Variants in NALF1 observed in about 807,000 individuals in gnomAD.
The protein encoded by NALF1 is family with sequence similarity 155 member A.
Under a neutral mutation model 48.4 loss-of-function variants are expected in NALF1, and 3 were observed. The ratio of observed to expected loss-of-function variants is 0.06; its 90% CI spans 0.03 to 0.16. The LOEUF (loss-of-function observed/expected upper bound fraction) is 0.16, where lower values mean the gene tolerates loss of function less well. Ranked by LOEUF, NALF1 falls within the 10% of genes least tolerant of loss-of-function variation. NALF1 has a pLI of 1.00. For missense variants in NALF1, 526 were observed against 571.5 expected, an observed-to-expected ratio of 0.92 and a Z score of 0.81; for synonymous variants, 262 against 245.7, an observed-to-expected ratio of 1.07 and a Z score of -0.62.
intron 1 of NALF1, among the ~76,000 whole-genome samples, chr13:107,491,426 T>C (rs184926557): frequency 6.1e-4 from 93 of 151,982 alleles, no homozygotes; most frequent in Non-Finnish European, 1.3e-3. Context: ...TTTAATTGCA[T>C]GGTGTTTGGA....
In NALF1 at chr13:107,866,769, T is replaced by C. The variant is rs1458056236; in HGVS notation, c.-173A>G. On this transcript the variant is annotated 5_prime_UTR_variant, in exon 1 of 3. Transcript: ENST00000375915. The surrounding 1 kb of genome is among the most constrained non-coding windows in gnomAD (Gnocchi z 4.4). Reference sequence around the variant, plus strand: ...TCTCCCTCTCTCCTCTCTCTCTCTCTCCCTCTCCCTCTCTTTTATCTCTCT... The same window carrying C: ...TCTCCCTCTCTCCTCTCTCTCTCTCCCCCTCTCCCTCTCTTTTATCTCTCT... 6.7e-6 allele frequency: 4 copies of C among 595,054 alleles called. No homozygotes were observed. The highest frequency in any genetic ancestry group is 2.1e-5 in the South Asian group (1 of 47,878). The allele number at this position is 595,054 out of a possible 1,614,324, so 36.9% of individuals were successfully genotyped here. A position where few individuals can be genotyped will look rare whatever the true frequency, so the allele number is the denominator to read the frequency against.
intron 1 of NALF1, among the ~76,000 whole-genome samples, chr13:107,550,165 T>C (rs1818943020): frequency 6.6e-6 from 1 of 152,104 alleles, no homozygotes; most frequent in Admixed American, 6.6e-5. Context: ...TTTTACAACA[T>C]TCTTGGATAA....
chr13:107,191,252 T>C (rs1431043115), intron 2 of NALF1, among the ~76,000 whole-genome samples: 1 of 142,320 alleles, frequency 7.0e-6, no homozygotes, highest in African/African-American at 2.5e-5. Context: ...CTGATAATGC[T>C]CACTAAATAG....
At chr13:107,288,251 G>A (rs61965525) in intron 1 of NALF1, among the ~76,000 whole-genome samples, 5,057 of 129,462 alleles carry the variant, frequency 0.039, 129 homozygotes, top group Non-Finnish European at 0.057. Context: ...ACGGAGTCTC[G>A]CTCTGTCGCC....
At chr13:107,544,906 C>G (rs141598782) in intron 1 of NALF1, among the ~76,000 whole-genome samples, 1 of 152,202 alleles carries the variant, frequency 6.6e-6, no homozygotes, top group East Asian at 1.9e-4. Context: ...TGGAGATCAC[C>G]GTCCTCTGCA....
At chr13:107,464,766 C>G (rs537581348) in intron 1 of NALF1, among the ~76,000 whole-genome samples, 1 of 152,030 alleles carries the variant, frequency 6.6e-6, no homozygotes, top group African/African-American at 2.4e-5. Flanking sequence ...GTGATCTGCC[C>G]GCCTCGGCCT....
rs541312752 is a variant in NALF1, at chr13:107,373,850, A to G, written c.916-163095T>C. Among the ~76,000 whole-genome samples, 10 of 152,314 alleles carry G rather than the reference A, an allele frequency of 6.6e-5. No individual in the cohort carries two copies. In the East Asian group the frequency reaches 1.9e-3, roughly 29 times the overall value. The stretch of plus-strand genomic sequence containing the variant: ...ATCTGGCCGAGCATGGGAGAAGGTC[A>G]AGATTACTCATCAAAAGAATCTACC... On this transcript the variant is annotated intron_variant, in intron 1 of 2. Coordinates refer to ENST00000375915, the MANE Select transcript of NALF1 (RefSeq NM_001080396.3).
chr13:107,596,458 TG>T, intron 1 of NALF1, among the ~76,000 whole-genome samples: 1 of 152,324 alleles, frequency 6.6e-6, no homozygotes, highest in East Asian at 1.9e-4. Flanking sequence ...AAAGAAAATG[TG>T]GCATATATAC....
At position 107,867,260 on chromosome 13, in the gene NALF1, G is replaced by A. The variant is rs1471933057; in HGVS notation, c.-664C>T. ...GTCCGGAGCCTGGGCTGCCTCCGGC[G>A]GGGCGCTCCCTCCCCCCCACCCCCC... On this transcript the variant is annotated 5_prime_UTR_variant, in exon 1 of 3. Transcript: ENST00000375915. The surrounding 1 kb of genome is among the most constrained non-coding windows in gnomAD (Gnocchi z 4.4). Among the ~76,000 whole-genome samples, 1 of 147,680 alleles carries A rather than the reference G, an allele frequency of 6.8e-6. No homozygotes were observed. Among genetic ancestry groups the A allele is most frequent in the Non-Finnish European group, 1.5e-5 (1 of 66,072 alleles).
At chr13:107,277,763 A>G (rs1303991041) in intron 1 of NALF1, among the ~76,000 whole-genome samples, 1 of 152,222 alleles carries the variant, frequency 6.6e-6, no homozygotes, top group Non-Finnish European at 1.5e-5. Flanking sequence ...TTATTTTACA[A>G]AGTATCAGTG....
At chr13:107,268,976 T>C (rs978467618) in intron 1 of NALF1, among the ~76,000 whole-genome samples, 6 of 152,042 alleles carry the variant, frequency 3.9e-5, no homozygotes, top group African/African-American at 1.4e-4. Context: ...CTATTATCTC[T>C]CTGGGTGTAG....
At chr13:107,180,550 C>T (rs1269472594) in intron 2 of NALF1, among the ~76,000 whole-genome samples, 2 of 151,840 alleles carry the variant, frequency 1.3e-5, no homozygotes, top group Non-Finnish European at 2.9e-5. Context: ...AAAACAGTAA[C>T]ATAGTCTTTT....
chr13:107,408,762 T>C (rs1883942354), intron 1 of NALF1, among the ~76,000 whole-genome samples: 1 of 152,114 alleles, frequency 6.6e-6, no homozygotes. Context: ...AGGCATATGG[T>C]AAAATACTAC....
chr13:107,231,911 A>C (rs1447361196), intron 1 of NALF1, among the ~76,000 whole-genome samples: 1 of 152,204 alleles, frequency 6.6e-6, no homozygotes, highest in Non-Finnish European at 1.5e-5. Context: ...ATCTCATAAG[A>C]AAGTAGTCCA....
At chr13:107,243,376 T>C (rs1249220819) in intron 1 of NALF1, among the ~76,000 whole-genome samples, 1 of 152,202 alleles carries the variant, frequency 6.6e-6, no homozygotes, top group African/African-American at 2.4e-5. Context: ...GCAGGTGATT[T>C]CAGCGCATCC....
intron 1 of NALF1, among the ~76,000 whole-genome samples, chr13:107,235,594 G>A (rs1880325166): frequency 6.6e-6 from 1 of 152,136 alleles, no homozygotes; most frequent in South Asian, 2.1e-4. Context: ...TTACTGTGTT[G>A]TTTAAAGAAT....
At chr13:107,626,296 C>A (rs539728421) in intron 1 of NALF1, among the ~76,000 whole-genome samples, 24 of 152,082 alleles carry the variant, frequency 1.6e-4, no homozygotes, top group African/African-American at 5.8e-4. Flanking sequence ...CTAAGGGAAA[C>A]CCTCATACAC....
intron 1 of NALF1, among the ~76,000 whole-genome samples, chr13:107,738,546 A>G (rs1022448692): frequency 6.6e-6 from 1 of 152,226 alleles, no homozygotes. Context: ...AAATAACTAC[A>G]ATATCACTTT....
intron 1 of NALF1, among the ~76,000 whole-genome samples, chr13:107,551,572 T>C (rs1294260146): frequency 6.6e-6 from 1 of 152,158 alleles, no homozygotes; most frequent in Non-Finnish European, 1.5e-5. Flanking sequence ...TTATCATTTC[T>C]TGTGCCCCTA....
Sources: gnomAD v4.1 joint callset for allele counts (sites outside exome capture counted in the v4.1 genomes callset) on GRCh38, gnomAD v4.1.1 for gene constraint, Gnocchi (gnomAD v3.1) non-coding constraint, MANE v1.5 for transcripts, NCBI Gene and HGNC (gene_info 2026-07-23, HGNC 2026-07-21) for gene names.